AMD1: variants seen among roughly 807,000 people sequenced by gnomAD.
AMD1 encodes adenosylmethionine decarboxylase 1.
A neutral mutation model predicts 40.2 loss-of-function variants in AMD1; 11 were observed. The observed-to-expected ratio is 0.27, with a 90% confidence interval of 0.17 to 0.45. The LOEUF is 0.45. AMD1 is among the 20% of genes least tolerant of loss of function. AMD1 has a pLI of 1.00. For missense variants in AMD1, 257 were observed against 410.2 expected, an observed-to-expected ratio of 0.63 and a Z score of 3.23; for synonymous variants, 121 against 130.8, an observed-to-expected ratio of 0.93 and a Z score of 0.51.
At chr6:110,893,388 T>G in intron 8 of AMD1, 88 bp from the exon 9 acceptor site, 1 of 1,528,334 alleles carries the variant, frequency 6.5e-7, no homozygotes, top group Non-Finnish European at 8.9e-7. Flanking sequence ...TTAGTTTCAT[T>G]AAGATAAAAG....
chr6:110,841,629 G>A, the AMD1 span, among the ~76,000 whole-genome samples: 2 of 151,732 alleles, frequency 1.3e-5, no homozygotes, highest in South Asian at 2.1e-4. Flanking sequence ...AGCCAATGGA[G>A]GCAAGACACA....
rs148584379 is a variant in AMD1, at chr6:110,890,112, G to A, written c.325-142G>A. The A allele has an allele frequency of 1.9e-4, 119 of 613,340 alleles. No homozygotes were observed. In the African/African-American group the frequency reaches 2.1e-3, roughly 11 times the overall value. The allele number at this position is 613,340 out of a possible 1,614,324, so 38.0% of individuals were successfully genotyped here. A position where few individuals can be genotyped will look rare whatever the true frequency, so the allele number is the denominator to read the frequency against. On this transcript the variant is annotated intron_variant, in intron 3 of 8. Transcript: ENST00000368885. ...CCTAATAGCGAGACTACAGGCATATGCTACCATGCCAAGCTAAAATATTTG... is the reference window on the plus strand; with the variant it reads ...CCTAATAGCGAGACTACAGGCATATACTACCATGCCAAGCTAAAATATTTG...
In AMD1 at chr6:110,893,454, GTTA is replaced by G. The variant is rs755955436; in HGVS notation, c.865-19_865-17del. The G allele has an allele frequency of 6.2e-7, 1 of 1,612,842 alleles. No individual in the cohort carries two copies. Among genetic ancestry groups the G allele is most frequent in the East Asian group, 2.2e-5 (1 of 44,880 alleles). On this transcript the variant is annotated intron_variant, in intron 8 of 8. Coordinates refer to ENST00000368885, the MANE Select transcript of AMD1 (RefSeq NM_001634.6). ...CTTCTCTGGATTGCAAACACTAACGGTTATTTAATTTTTTCCCCCAGAGTTCTA... is the reference window on the plus strand; with the variant it reads ...CTTCTCTGGATTGCAAACACTAACGGTTTAATTTTTTCCCCCAGAGTTCTA...
chr6:110,870,363 A>G (rs12213241), upstream of AMD1, among the ~76,000 whole-genome samples: 5,645 of 152,216 alleles, frequency 0.037, 131 homozygotes, highest in Middle Eastern at 0.071. Context: ...GGTGGCTCAC[A>G]CTTGTAATGC....
At position 110,892,785 on chromosome 6, in the gene AMD1, G is replaced by A. The variant is rs1786103412; in HGVS notation, c.666G>A (p.Met222Ile). ...CAGGTTCTGTCATTGATGCCACAAT[G>A]TTCAATCCTTGTGGGTATTCGATGA... ...LIPGSVIDAT[M>I]FNPCGYSMNG... Residue 222 changes from methionine to isoleucine, a missense_variant, in exon 7 of 9, where the codon ATG becomes ATA. This residue lies in a region of AMD1 where 192 missense variants were observed against 296.5 expected (regional missense o/e 0.65). Transcript: ENST00000368885. 2 of 1,613,842 alleles carry A rather than the reference G, an allele frequency of 1.2e-6. No individual in the cohort carries two copies. The highest frequency in any genetic ancestry group is 3.3e-5 in the Admixed American group (2 of 59,974).
At position 110,893,490 on chromosome 6, in the gene AMD1, C is replaced by T. The variant is rs2115316199; in HGVS notation, c.879C>T (p.Arg293=). Residue 293 remains arginine (R), a synonymous_variant, in exon 9 of 9, where the codon CGC becomes CGT. Transcript: ENST00000368885. ...TTTTCCCCCAGAGTTCTAAATGTCG[C>T]ACAGTGCTTGCTTCGCCCCAGAAGA... ...TLFVNQSSKC[R]TVLASPQKIE... 6.2e-7 allele frequency: 1 copy of T among 1,613,966 alleles called. No homozygotes were observed. Among genetic ancestry groups the T allele is most frequent in the Non-Finnish European group, 8.5e-7 (1 of 1,179,852 alleles).
chr6:110,871,556 A>G (rs1392355113), upstream of AMD1, among the ~76,000 whole-genome samples: 1 of 152,218 alleles, frequency 6.6e-6, no homozygotes, highest in African/African-American at 2.4e-5. Context: ...CTGCTGTATA[A>G]CGAGGTGATT....
chr6:110,823,732 T>A, the AMD1 span, among the ~76,000 whole-genome samples: 7 of 152,232 alleles, frequency 4.6e-5, no homozygotes, highest in Admixed American at 4.6e-4. Context: ...GTCTTTTCCC[T>A]ATTGGGTTCT....
At chr6:110,830,740 C>G in the AMD1 span, among the ~76,000 whole-genome samples, 3 of 152,164 alleles carry the variant, frequency 2.0e-5, no homozygotes, top group Non-Finnish European at 4.4e-5. Context: ...CGAATTCTTT[C>G]CTGGGCAAAG....
the AMD1 span, among the ~76,000 whole-genome samples, chr6:110,826,271 C>CAAAAAAAAA: frequency 1.7e-5 from 1 of 59,362 alleles, no homozygotes; most frequent in Admixed American, 2.4e-4. Flanking sequence ...GACACCATCC[C>CAAAAAAAAA]AAAAAAAAAA....
chr6:110,856,964 G>T, the AMD1 span, among the ~76,000 whole-genome samples: 1 of 152,002 alleles, frequency 6.6e-6, no homozygotes, highest in Non-Finnish European at 1.5e-5. Flanking sequence ...AGGAGTTCAA[G>T]ACCAGCCTGG....
the AMD1 span, among the ~76,000 whole-genome samples, chr6:110,865,817 C>T: frequency 6.6e-6 from 1 of 151,700 alleles, no homozygotes; most frequent in East Asian, 1.9e-4. Context: ...GGCTAGAGTG[C>T]AGTGGTGCAA....
chr6:110,816,153 G>A, the AMD1 span, among the ~76,000 whole-genome samples: 1 of 152,196 alleles, frequency 6.6e-6, no homozygotes, highest in African/African-American at 2.4e-5. Context: ...AGCCCCAGCA[G>A]CCAATCATCA....
At chr6:110,824,147 A>G in the AMD1 span, among the ~76,000 whole-genome samples, 1 of 152,226 alleles carries the variant, frequency 6.6e-6, no homozygotes, top group Non-Finnish European at 1.5e-5. Context: ...ATTCACAATT[A>G]CAAAGATATG....
chr6:110,891,106 G>A (rs1391436395), intron 4 of AMD1: 5 of 152,106 alleles, frequency 3.3e-5, no homozygotes, highest in East Asian at 1.9e-4. Flanking sequence ...TTCTTTTTGC[G>A]TTTTTGTTTG....
the AMD1 span, among the ~76,000 whole-genome samples, chr6:110,838,063 C>CAA: frequency 0.019 from 1,147 of 61,124 alleles, 22 homozygotes; most frequent in African/African-American, 0.065. Flanking sequence ...GACTCCGTCT[C>CAA]AAAAAAAAAA....
chr6:110,823,768 A>G, the AMD1 span, among the ~76,000 whole-genome samples: 1 of 152,174 alleles, frequency 6.6e-6, no homozygotes, highest in East Asian at 1.9e-4. Context: ...AATCCCTTTT[A>G]CAATATCTGA....
chr6:110,852,421 C>A, the AMD1 span, among the ~76,000 whole-genome samples: 290 of 151,784 alleles, frequency 1.9e-3, no homozygotes, highest in African/African-American at 6.8e-3. Context: ...AGGGTTTCAC[C>A]TTGTTGCCCA....
chr6:110,823,312 G>A, the AMD1 span, among the ~76,000 whole-genome samples: 24 of 152,180 alleles, frequency 1.6e-4, no homozygotes, highest in African/African-American at 5.8e-4. Context: ...CTGAGAGCTG[G>A]AACAAGACAA....
Sources: allele counts gnomAD v4.1 joint callset (sites outside exome capture counted in the v4.1 genomes callset), GRCh38; gene constraint gnomAD v4.1.1; regional missense constraint gnomAD v4.1.1; transcripts MANE v1.5; gene names NCBI Gene and HGNC (gene_info 2026-07-23, HGNC 2026-07-21).